Variants in AFF2 observed in about 807,000 individuals in gnomAD.
AFF2 encodes the protein AF4/FMR2 family member 2.
A neutral mutation model predicts 76.9 loss-of-function variants in AFF2; 14 were observed. That is an observed-to-expected ratio of 0.18 (90% CI 0.12 to 0.28). AFF2 has a LOEUF of 0.28. AFF2 is among the 10% of genes least tolerant of loss of function. The pLI is 1.00. For missense variants in AFF2, 868 were observed against 1,001.1 expected (o/e 0.87, Z 1.79); for synonymous variants, 398 against 366.7 (o/e 1.09, Z -0.98).
chrX:148,521,373 T>TGC (rs1452824439), intron 1 of AFF2, among the ~76,000 whole-genome samples: 3 of 56,078 alleles, frequency 5.3e-5, no homozygotes, highest in East Asian at 4.5e-3. Flanking sequence ...AGCACGTGCA[T>TGC]GCACACACAC....
Position 148,853,080 on chromosome X carries a change from C to T in AFF2, c.1262+9647C>T, listed in dbSNP as rs184405606. 3.8e-3 allele frequency among the ~76,000 whole-genome samples: 420 copies of T among 111,586 alleles called. 12 individuals are homozygous for T. Among genetic ancestry groups the T allele is most frequent in the Non-Finnish European group, 3.9e-3 (208 of 53,101 alleles). On this transcript the variant is annotated intron_variant, in intron 7 of 20. Coordinates refer to ENST00000370460, the MANE Select transcript of AFF2 (RefSeq NM_002025.4). ...GGATTCTTGGATTACAAAATTCAAA[C>T]CTTTTTTAATACCCTGTTTGCCTCA...
chrX:148,955,583 T>C lies in AFF2; in HGVS notation c.1558-20T>C. Reference sequence around the variant, plus strand: ...TCCCAAGTGTAAAAATCATTCTTGCTGCTGTTTCTCAATCTGCAGCCTGAG... The same window carrying C: ...TCCCAAGTGTAAAAATCATTCTTGCCGCTGTTTCTCAATCTGCAGCCTGAG... On this transcript the variant is annotated intron_variant, in intron 10 of 20. Transcript: ENST00000370460. The C allele has an allele frequency of 1.7e-6, 2 of 1,187,175 alleles. No individual in the cohort carries two copies. The highest frequency in any genetic ancestry group is 2.3e-6 in the Non-Finnish European group (2 of 884,460).
At chrX:148,637,833 T>G (rs1192171212) in intron 1 of AFF2, among the ~76,000 whole-genome samples, 1 of 112,017 alleles carries the variant, frequency 8.9e-6, no homozygotes, top group Non-Finnish European at 1.9e-5. Flanking sequence ...AGTTTTGGAT[T>G]ATTTCATTAC....
intron 3 of AFF2, among the ~76,000 whole-genome samples, chrX:148,687,037 G>A (rs1557260397): frequency 8.9e-6 from 1 of 111,762 alleles, no homozygotes; most frequent in Middle Eastern, 4.2e-3. Context: ...TTAAAGGATT[G>A]ATATAGTCTC....
At chrX:148,786,961 G>T (rs2069829036) in intron 3 of AFF2, among the ~76,000 whole-genome samples, 1 of 111,599 alleles carries the variant, frequency 9.0e-6, no homozygotes, top group African/African-American at 3.3e-5. Flanking sequence ...TAAATGTGAG[G>T]CTCCTCATTC....
chrX:148,760,542 G>A (rs2069427227), intron 3 of AFF2, among the ~76,000 whole-genome samples: 1 of 112,211 alleles, frequency 8.9e-6, no homozygotes, highest in Non-Finnish European at 1.9e-5. Context: ...CAGGGAAGGA[G>A]GTTTTTAAGA....
chrX:148,951,059 G>A (rs944080065), intron 9 of AFF2, among the ~76,000 whole-genome samples: 15 of 111,117 alleles, frequency 1.3e-4, no homozygotes, highest in African/African-American at 4.3e-4. Flanking sequence ...ATTATATATG[G>A]TATATTCAGC....
At chrX:148,676,759 G>A (rs2054491220) in intron 3 of AFF2, among the ~76,000 whole-genome samples, 1 of 111,814 alleles carries the variant, frequency 8.9e-6, no homozygotes, top group South Asian at 3.8e-4. Flanking sequence ...CCCACATCAA[G>A]TTGTAAATTG....
At chrX:148,535,194 T>C (rs1322072326) in intron 1 of AFF2, among the ~76,000 whole-genome samples, 1 of 111,942 alleles carries the variant, frequency 8.9e-6, no homozygotes, top group Non-Finnish European at 1.9e-5. Context: ...ACCACCATCA[T>C]TGTGGTTATT....
At position 148,887,277 on chromosome X, in the gene AFF2, T is replaced by C. The variant is rs782048716; in HGVS notation, c.1359+1292T>C. Among the ~76,000 whole-genome samples the C allele has an allele frequency of 7.1e-4, 80 of 112,297 alleles. 2 individuals are homozygous for C. The highest frequency in any genetic ancestry group is 4.7e-4 in the Non-Finnish European group (25 of 53,295). On this transcript the variant is annotated intron_variant, in intron 8 of 20. Coordinates refer to ENST00000370460, the MANE Select transcript of AFF2 (RefSeq NM_002025.4). ...TGTCTCCCTCCTGCTTGAGTTGGGC[T>C]TCATAGCAAATGTAAAATGTACACT...
chrX:148,579,032 C>G (rs782761893), intron 1 of AFF2, among the ~76,000 whole-genome samples: 1 of 111,711 alleles, frequency 9.0e-6, no homozygotes, highest in Non-Finnish European at 1.9e-5. Flanking sequence ...CTAGGCTACA[C>G]GTTAGCCATG....
intron 1 of AFF2, among the ~76,000 whole-genome samples, chrX:148,525,475 C>T (rs782788927): frequency 7.2e-5 from 8 of 111,132 alleles, no homozygotes; most frequent in Non-Finnish European, 1.3e-4. Flanking sequence ...GATAATGGTC[C>T]CATTAGTCAG....
At chrX:148,855,564 T>A (rs1011742192) in intron 7 of AFF2, among the ~76,000 whole-genome samples, 3 of 112,440 alleles carry the variant, frequency 2.7e-5, no homozygotes, top group Admixed American at 9.4e-5. Flanking sequence ...AACTTTTTTT[T>A]AAATATTGTA....
At chrX:148,915,654 T>C (rs782558907) in intron 9 of AFF2, among the ~76,000 whole-genome samples, 2 of 112,451 alleles carry the variant, frequency 1.8e-5, no homozygotes, top group Non-Finnish European at 3.8e-5. Flanking sequence ...AGCATCTACA[T>C]CTAAAATCAC....
intron 1 of AFF2, among the ~76,000 whole-genome samples, chrX:148,618,784 T>TA (rs1399174944): frequency 9.0e-5 from 10 of 111,702 alleles, no homozygotes; most frequent in African/African-American, 3.3e-4. Flanking sequence ...GGGATTCTGC[T>TA]ATTCGTAGAA....
chrX:148,518,563 T>G (rs1323838844), intron 1 of AFF2, among the ~76,000 whole-genome samples: 1 of 112,487 alleles, frequency 8.9e-6, no homozygotes, highest in Non-Finnish European at 1.9e-5. Context: ...TTGGTCACTT[T>G]CCGCTTGAGT....
intron 1 of AFF2, among the ~76,000 whole-genome samples, chrX:148,560,251 C>T (rs1193321729): frequency 9.0e-6 from 1 of 111,344 alleles, no homozygotes; most frequent in African/African-American, 3.3e-5. Flanking sequence ...CACACATCTA[C>T]AAGCATCTGA....
At chrX:148,916,195 A>ATTTTTTTT (rs1557282549) in intron 9 of AFF2, among the ~76,000 whole-genome samples, 1 of 48,231 alleles carries the variant, frequency 2.1e-5, no homozygotes, top group African/African-American at 7.8e-5. Flanking sequence ...TGTGGTTTTA[A>ATTTTTTTT]CTTTTTTTTT....
At chrX:148,834,029 G>A (rs1296366398) in intron 4 of AFF2, among the ~76,000 whole-genome samples, 1 of 112,114 alleles carries the variant, frequency 8.9e-6, no homozygotes, top group Non-Finnish European at 1.9e-5. Context: ...TTTTGGATTT[G>A]TTTTGAGTCC....
Sources: gnomAD v4.1 joint callset for allele counts (sites outside exome capture counted in the v4.1 genomes callset) on GRCh38, gnomAD v4.1.1 for gene constraint, MANE v1.5 for transcripts, NCBI Gene and HGNC (gene_info 2026-07-23, HGNC 2026-07-21) for gene names.